CASTOR2: variants seen among roughly 807,000 people sequenced by gnomAD.
CASTOR2 encodes the protein cytosolic arginine sensor for mTORC1 subunit 2, also known as GATS protein like 2.
CASTOR2 carries 8 observed loss-of-function variants against 31.2 expected under a neutral mutation model. The observed-to-expected ratio is 0.26, with a 90% confidence interval of 0.15 to 0.46. The LOEUF (loss-of-function observed/expected upper bound fraction) is 0.46. CASTOR2 is among the 20% of genes least tolerant of loss of function. The pLI is 0.99. For synonymous variants in CASTOR2, 162 were observed against 158.7 expected, an observed-to-expected ratio of 1.02 and a Z score of -0.16; for missense variants, 216 against 382.1, an observed-to-expected ratio of 0.57 and a Z score of 3.62.
intron 2 of CASTOR2, among the ~76,000 whole-genome samples, chr7:75,009,519 C>T (rs1554439129): frequency 3.7e-4 from 56 of 152,132 alleles, no homozygotes; most frequent in Admixed American, 1.8e-3. Flanking sequence ...CCACCCACCT[C>T]GGCCTCCCAA....
intron 1 of CASTOR2, among the ~76,000 whole-genome samples, chr7:74,984,433 A>G (rs2905707): frequency 0.016 from 2,490 of 152,180 alleles, 36 homozygotes; most frequent in African/African-American, 0.031. Flanking sequence ...TGTGACCTAC[A>G]TGGGGTGCTC....
At chr7:74,980,701 G>A (rs1803928523) in intron 1 of CASTOR2, among the ~76,000 whole-genome samples, 1 of 138,132 alleles carries the variant, frequency 7.2e-6, no homozygotes, top group South Asian at 2.2e-4. Context: ...ACAATTGCAG[G>A]ATGGCTGGTT....
intron 1 of CASTOR2, among the ~76,000 whole-genome samples, chr7:74,985,700 C>T (rs1291318271): frequency 6.6e-6 from 1 of 151,930 alleles, no homozygotes; most frequent in East Asian, 1.9e-4. Flanking sequence ...TCCATTACCC[C>T]CCAGGCCTCA....
At chr7:74,993,283 T>A (rs2131932749) in intron 1 of CASTOR2, among the ~76,000 whole-genome samples, 1 of 152,134 alleles carries the variant, frequency 6.6e-6, no homozygotes, top group African/African-American at 2.4e-5. Flanking sequence ...CAGAAAGAAG[T>A]GAGTTCCCCA....
chr7:74,999,787 T>C (rs1336693416), intron 1 of CASTOR2, among the ~76,000 whole-genome samples: 1 of 151,920 alleles, frequency 6.6e-6, no homozygotes, highest in African/African-American at 2.4e-5. Context: ...CCAGCTAATT[T>C]TTGTATTTTT....
At chr7:75,013,472 G>A (rs1804798432) in intron 2 of CASTOR2, among the ~76,000 whole-genome samples, 1 of 151,738 alleles carries the variant, frequency 6.6e-6, no homozygotes, top group East Asian at 1.9e-4. Context: ...GCAAAGCCCC[G>A]TCTCTACAAA....
At chr7:75,022,530 A>C (rs1805029792) in intron 7 of CASTOR2, among the ~76,000 whole-genome samples, 1 of 27,462 alleles carries the variant, frequency 3.6e-5, no homozygotes, top group Non-Finnish European at 8.8e-5. Context: ...AGGCTGGGCG[A>C]GTTAGCTCGT....
At chr7:74,999,681 G>C (rs1804448805) in intron 1 of CASTOR2, among the ~76,000 whole-genome samples, 1 of 131,172 alleles carries the variant, frequency 7.6e-6, no homozygotes, top group Non-Finnish European at 1.5e-5. Context: ...GCAGTGGCGT[G>C]ATCTTGGCTC....
chr7:75,005,046 T>C (rs1804575934), intron 1 of CASTOR2, among the ~76,000 whole-genome samples: 1 of 151,684 alleles, frequency 6.6e-6, no homozygotes, highest in African/African-American at 2.4e-5. Context: ...TTGCATTTTT[T>C]TGTAGAGACA....
At position 75,000,637 on chromosome 7, in the gene CASTOR2, C is replaced by T. The variant is rs1301568760; in HGVS notation, c.114-7357C>T. ...AAGGCTCTGGGCTTGTTTCAAAACC[C>T]CGCTGGCCAGGCTCTTTTTTGTTTG... On this transcript the variant is annotated intron_variant, in intron 1 of 8. Transcript: ENST00000616305. 1.1e-4 allele frequency among the ~76,000 whole-genome samples: 17 copies of T among 152,014 alleles called. No individual in the cohort carries two copies. In the East Asian group the frequency reaches 3.1e-3, roughly 28 times the overall value.
intron 7 of CASTOR2, among the ~76,000 whole-genome samples, chr7:75,023,692 G>A (rs1019095668): frequency 2.0e-5 from 3 of 151,784 alleles, no homozygotes; most frequent in Non-Finnish European, 4.4e-5. Flanking sequence ...CACCCGCCTC[G>A]GCCTCCCAAA....
intron 2 of CASTOR2, among the ~76,000 whole-genome samples, chr7:75,015,955 T>C (rs1804853893): frequency 6.6e-6 from 1 of 152,114 alleles, no homozygotes; most frequent in Non-Finnish European, 1.5e-5. Context: ...TAATCCCAGC[T>C]ACTCGGGAGG....
At position 75,024,524 on chromosome 7, in the gene CASTOR2, A is replaced by G; in HGVS notation, c.914A>G (p.Asp305Gly). 1.3e-6 allele frequency: 2 copies of G among 1,551,538 alleles called. No individual in the cohort carries two copies. The highest frequency in any genetic ancestry group is 1.7e-6 in the Non-Finnish European group (2 of 1,146,848). ...PAYYISTFKFDHALVPEENIN... is the reference protein window; with the variant it reads ...PAYYISTFKFGHALVPEENIN... ...TACTACATCAGTACTTTCAAGTTTG[A>G]TCATGCACTTGTGAGTGTCCAGCGC... Residue 305 changes from aspartate to glycine, a missense_variant, in exon 8 of 9, where the codon GAT becomes GGT. Asp to Gly is a moderately conservative substitution (Grantham distance 94). Transcript: ENST00000616305.
chr7:74,994,749 C>T (rs1202592786), intron 1 of CASTOR2, among the ~76,000 whole-genome samples: 1 of 149,988 alleles, frequency 6.7e-6, no homozygotes, highest in African/African-American at 2.5e-5. Flanking sequence ...GACTCCATCT[C>T]CAAAAAAAAA....
rs1254891533 is a variant in CASTOR2 at position 74,971,981 on chromosome 7, A to G, written c.113+6883A>G. On this transcript the variant is annotated intron_variant, in intron 1 of 8. Coordinates refer to ENST00000616305, the MANE Select transcript of CASTOR2 (RefSeq NM_001145064.3). ...TTTTTATTAATATTAGTATGGAGAC[A>G]TCTCTTTATTTATTTATTTTGGAGA... is the stretch of plus-strand genomic sequence containing the variant. Among the ~76,000 whole-genome samples the G allele has an allele frequency of 5.8e-4, 87 of 150,592 alleles. 2 individuals are homozygous for G. In the Middle Eastern group the frequency reaches 0.01, roughly 18 times the overall value.
rs1805189139 is a variant in CASTOR2 at position 75,028,115 on chromosome 7, A to AT, written c.*3416_*3417insT. 4 of 1,417,282 alleles carry AT rather than the reference A, an allele frequency of 2.8e-6. No individual in the cohort carries two copies. Among genetic ancestry groups the AT allele is most frequent in the Non-Finnish European group, 3.7e-6 (4 of 1,081,596 alleles). The allele number at this position is 1,417,282 out of a possible 1,614,324, so 87.8% of individuals were successfully genotyped here. On this transcript the variant is annotated 3_prime_UTR_variant, in exon 9 of 9. Transcript: ENST00000616305. The stretch of plus-strand genomic sequence containing the variant: ...AGGAAGAGGGCTCTCTATGATGTGG[A>AT]ATTTTTTTTTTTTTTTTTTTGAGAC...
chr7:74,998,526 A>C (rs1473914372), intron 1 of CASTOR2, among the ~76,000 whole-genome samples: 48 of 151,284 alleles, frequency 3.2e-4, no homozygotes, highest in African/African-American at 1.2e-3. Flanking sequence ...TCGCTTGAAC[A>C]TGGGAGACAG....
intron 1 of CASTOR2, among the ~76,000 whole-genome samples, chr7:74,999,565 T>G (rs1178352140): frequency 2.2e-5 from 3 of 139,458 alleles, no homozygotes; most frequent in African/African-American, 8.0e-5. Context: ...AAAAGCCCCA[T>G]GAACTGTGGC....
chr7:74,964,796 G>A lies in CASTOR2; in HGVS notation c.-190G>A, dbSNP rs1297294311. On this transcript the variant is annotated 5_prime_UTR_variant, in exon 1 of 9. Transcript: ENST00000616305. The stretch of plus-strand genomic sequence containing the variant: ...CCGGCGCTGCCTCCCTCGCCCCGCG[G>A]CTCCCCCTTGCAACTTGGCGGGCCT... The A allele has an allele frequency of 1.5e-5, 1 of 66,206 alleles. No individual in the cohort carries two copies. The highest frequency in any genetic ancestry group is 6.1e-5 in the African/African-American group (1 of 16,476). The allele number at this position is 66,206 out of a possible 1,614,324, so 4.1% of individuals were successfully genotyped here. A position where few individuals can be genotyped will look rare whatever the true frequency, so the allele number is the denominator to read the frequency against.
Sources: allele counts gnomAD v4.1 joint callset (sites outside exome capture counted in the v4.1 genomes callset), GRCh38; gene constraint gnomAD v4.1.1; transcripts MANE v1.5; gene names NCBI Gene and HGNC (gene_info 2026-07-23, HGNC 2026-07-21).